Variants in OXR1 observed in about 807,000 individuals in gnomAD.
OXR1 encodes the protein oxidation resistance protein 1.
Under a neutral mutation model 104.6 loss-of-function variants are expected in OXR1, and 41 were observed. The ratio of observed to expected loss-of-function variants is 0.39; its 90% CI spans 0.31 to 0.51. The LOEUF (loss-of-function observed/expected upper bound fraction) is 0.51, where lower values mean the gene tolerates loss of function less well. OXR1 is among the 20% of genes least tolerant of loss of function. The pLI, the probability that OXR1 is intolerant of heterozygous loss-of-function variation, is 0.77. For synonymous variants in OXR1, 348 were observed against 348.4 expected (o/e 1.00, Z 0.01); for missense variants, 955 against 1,031.9 (o/e 0.93, Z 1.02).
chr8:106,704,060 T>G (rs1278024989), intron 8 of OXR1, among the ~76,000 whole-genome samples: 1 of 152,178 alleles, frequency 6.6e-6, no homozygotes, highest in East Asian at 1.9e-4. Context: ...TGTGACAGAA[T>G]AAAATCCTTT....
At chr8:106,534,383 A>T (rs995145149) in intron 3 of OXR1, among the ~76,000 whole-genome samples, 2 of 152,222 alleles carry the variant, frequency 1.3e-5, no homozygotes, top group Non-Finnish European at 2.9e-5. Flanking sequence ...CCCAGTCCTT[A>T]ACACCTGTAA....
intron 1 of OXR1, among the ~76,000 whole-genome samples, chr8:106,324,346 C>G (rs1211692933): frequency 6.6e-6 from 1 of 151,978 alleles, no homozygotes; most frequent in Admixed American, 6.6e-5. Flanking sequence ...ACAACAGACC[C>G]TGGGGTCTAC....
chr8:106,700,786 A>G (rs1222983678), intron 7 of OXR1, among the ~76,000 whole-genome samples: 1 of 152,200 alleles, frequency 6.6e-6, no homozygotes, highest in Non-Finnish European at 1.5e-5. Flanking sequence ...ATGCTAGTGA[A>G]CCAAATAATT....
chr8:106,675,855 C>G (rs376663301), intron 3 of OXR1, among the ~76,000 whole-genome samples: 6 of 152,120 alleles, frequency 3.9e-5, no homozygotes, highest in Non-Finnish European at 7.4e-5. Flanking sequence ...AATTTTCTGT[C>G]TCAGTGATCT....
intron 3 of OXR1, among the ~76,000 whole-genome samples, chr8:106,544,507 G>A (rs977621397): frequency 2.0e-5 from 3 of 152,098 alleles, no homozygotes; most frequent in East Asian, 1.9e-4. Context: ...ATTGGAAAGC[G>A]ATTATGTCTA....
chr8:106,631,078 A>ATG lies in OXR1; in HGVS notation c.221-48129_221-48128dup, dbSNP rs544581580. Among the ~76,000 whole-genome samples, 927 of 152,298 alleles carry ATG rather than the reference A, an allele frequency of 6.1e-3. 8 individuals are homozygous for ATG. The highest frequency in any genetic ancestry group is 0.02 in the African/African-American group (850 of 41,560). ...ATGAAAAGTAAGAAAGACCAACAAT[A>ATG]TGTGAGTGGTTGAGAGAGGAGAGGC... On this transcript the variant is annotated intron_variant, in intron 3 of 16. Coordinates refer to ENST00000517566, the MANE Select transcript of OXR1 (RefSeq NM_001198533.2).
At chr8:106,442,632 G>A (rs767315937) in intron 2 of OXR1, among the ~76,000 whole-genome samples, 14 of 151,994 alleles carry the variant, frequency 9.2e-5, no homozygotes, top group Non-Finnish European at 1.9e-4. Flanking sequence ...ACTTCTTCCT[G>A]GTTTAGTCTT....
At chr8:106,700,973 GT>G (rs968479775) in intron 7 of OXR1, among the ~76,000 whole-genome samples, 25 of 150,482 alleles carry the variant, frequency 1.7e-4, no homozygotes, top group East Asian at 9.8e-4. Context: ...CTTTAAAGTT[GT>G]TTTTTTTTAA....
At chr8:106,681,132 C>T (rs1365983087) in intron 4 of OXR1, among the ~76,000 whole-genome samples, 1 of 152,168 alleles carries the variant, frequency 6.6e-6, no homozygotes, top group Admixed American at 6.5e-5. Context: ...TGAGATGCCA[C>T]TTGGGCTGTT....
intron 2 of OXR1, among the ~76,000 whole-genome samples, chr8:106,359,853 G>A (rs1009761424): frequency 7.9e-5 from 12 of 152,132 alleles, no homozygotes; most frequent in Admixed American, 6.6e-5. Context: ...AAGGATTGAA[G>A]CCTCGCACTG....
intron 1 of OXR1, among the ~76,000 whole-genome samples, chr8:106,334,711 C>T (rs2130240181): frequency 6.6e-6 from 1 of 152,270 alleles, no homozygotes; most frequent in African/African-American, 2.4e-5. Context: ...TGCATGCTTC[C>T]CCTTCTCCTG....
At chr8:106,534,022 T>A (rs1814294550) in intron 3 of OXR1, among the ~76,000 whole-genome samples, 1 of 152,136 alleles carries the variant, frequency 6.6e-6, no homozygotes, top group African/African-American at 2.4e-5. Context: ...CAGGTTTACC[T>A]TTTATCAGAG....
intron 3 of OXR1, chr8:106,618,007 T>A: frequency 6.7e-7 from 1 of 1,487,350 alleles, no homozygotes; most frequent in Non-Finnish European, 8.9e-7. Context: ...TCTTGCACAC[T>A]GCCACCAGGG....
chr8:106,737,438 CTCTTTT>C, intron 11 of OXR1, 76 bp from the exon 12 acceptor site: 1 of 323,682 alleles, frequency 3.1e-6, no homozygotes, highest in Non-Finnish European at 5.1e-6. Context: ...TTAATTTCTC[CTCTTTT>C]TTTTTTTTTT....
intron 2 of OXR1, among the ~76,000 whole-genome samples, chr8:106,512,602 A>G (rs1428351674): frequency 6.6e-6 from 1 of 152,180 alleles, no homozygotes; most frequent in Non-Finnish European, 1.5e-5. Context: ...CGTTTCAGTC[A>G]TATCATGATG....
chr8:106,279,578 G>T (rs1252996508), intron 1 of OXR1, among the ~76,000 whole-genome samples: 1 of 152,170 alleles, frequency 6.6e-6, no homozygotes, highest in Non-Finnish European at 1.5e-5. Flanking sequence ...TCTGACTGAA[G>T]CACAGAGATT....
intron 1 of OXR1, among the ~76,000 whole-genome samples, chr8:106,306,019 G>A (rs1813450919): frequency 6.6e-6 from 1 of 151,106 alleles, no homozygotes; most frequent in African/African-American, 2.4e-5. Flanking sequence ...TACCCTTCTT[G>A]TGCATTTCCC....
chr8:106,571,207 G>C (rs1242068329), intron 3 of OXR1, among the ~76,000 whole-genome samples: 1 of 152,052 alleles, frequency 6.6e-6, no homozygotes, highest in Non-Finnish European at 1.5e-5. Context: ...AAATATCATA[G>C]ACTGGTGGTT....
chr8:106,647,147 C>A (rs1228944803), intron 3 of OXR1, among the ~76,000 whole-genome samples: 2 of 152,148 alleles, frequency 1.3e-5, no homozygotes, highest in Admixed American at 1.3e-4. Context: ...GGCTTGACTG[C>A]CATGCAGTGT....
Sources: allele counts gnomAD v4.1 joint callset (sites outside exome capture counted in the v4.1 genomes callset), GRCh38; gene constraint gnomAD v4.1.1; transcripts MANE v1.5; gene names NCBI Gene and HGNC (gene_info 2026-07-23, HGNC 2026-07-21).